The following DMD variants were observed in gnomAD, a reference collection of about 807,000 sequenced individuals.
DMD encodes the protein mutant dystrophin.
DMD carries 63 observed loss-of-function variants against 330.1 expected under a neutral mutation model. The ratio of observed to expected loss-of-function variants is 0.19; its 90% CI spans 0.16 to 0.24. The LOEUF (loss-of-function observed/expected upper bound fraction) is 0.24. Among genes scored for constraint, DMD ranks in the 10% least tolerant of loss-of-function variants. DMD has a pLI of 1.00. For missense variants in DMD, 3,344 were observed against 2,684.1 expected (o/e 1.25, Z -5.43); for synonymous variants, 1,223 against 959.8 (o/e 1.27, Z -5.07).
At chrX:32,056,056 T>C (rs4829243) in intron 44 of DMD, among the ~76,000 whole-genome samples, 42,555 of 110,267 alleles carry the variant, frequency 0.39, 6,720 homozygotes, top group East Asian at 0.61. Context: ...GATCAAGCAG[T>C]CTGCTTAGTG....
At chrX:32,972,409 A>G (rs1392154828) in intron 2 of DMD, among the ~76,000 whole-genome samples, 1 of 110,772 alleles carries the variant, frequency 9.0e-6, no homozygotes. Context: ...CAAACTCCTG[A>G]GCTCAAGTGA....
At chrX:31,440,711 G>T (rs1446411449) in intron 60 of DMD, among the ~76,000 whole-genome samples, 3 of 112,231 alleles carry the variant, frequency 2.7e-5, no homozygotes, top group Non-Finnish European at 5.6e-5. Flanking sequence ...TTTTCTAACT[G>T]CAAGGAGTGA....
intron 74 of DMD, among the ~76,000 whole-genome samples, chrX:31,160,334 T>C (rs57701317): frequency 0.12 from 13,437 of 111,004 alleles, 1,507 homozygotes; most frequent in African/African-American, 0.34. Flanking sequence ...CTTCTGGGTC[T>C]ACAGGGTAAC....
chrX:32,718,265 T>C (rs998408557), intron 7 of DMD, among the ~76,000 whole-genome samples: 3 of 111,119 alleles, frequency 2.7e-5, no homozygotes, highest in Non-Finnish European at 5.7e-5. Flanking sequence ...GACTGAATCA[T>C]AGGGGCAGAT....
intron 2 of DMD, among the ~76,000 whole-genome samples, chrX:32,895,144 C>G (rs2085586969): frequency 8.9e-6 from 1 of 112,077 alleles, no homozygotes; most frequent in African/African-American, 3.2e-5. Flanking sequence ...TTATCTTACC[C>G]TAATTAATTC....
intron 49 of DMD, among the ~76,000 whole-genome samples, chrX:31,832,437 T>C (rs2093070649): frequency 1.8e-5 from 2 of 111,468 alleles, no homozygotes; most frequent in African/African-American, 6.5e-5. Flanking sequence ...GCTGGGAAAA[T>C]GAATCATCCC....
intron 44 of DMD, among the ~76,000 whole-genome samples, chrX:32,114,154 GC>G (rs2096600398): frequency 9.0e-6 from 1 of 111,642 alleles, no homozygotes; most frequent in African/African-American, 3.3e-5. Flanking sequence ...TTTATCTTTA[GC>G]TTCAGCACTT....
intron 42 of DMD, among the ~76,000 whole-genome samples, chrX:32,296,687 C>T (rs2097498113): frequency 9.0e-6 from 1 of 111,309 alleles, no homozygotes; most frequent in African/African-American, 3.3e-5. Context: ...AATTTTACAT[C>T]AGAAGTTGTG....
intron 34 of DMD, among the ~76,000 whole-genome samples, chrX:32,378,415 A>G (rs2097912433): frequency 1.8e-5 from 2 of 109,707 alleles, no homozygotes; most frequent in South Asian, 7.4e-4. Context: ...TTTAATATAT[A>G]TTAAATATAA....
Position 31,575,482 on chromosome X carries a change from A to G in DMD, c.8217+52191T>C, listed in dbSNP as rs1369588609. ...GTGTAACTGCTGGGTTTGTCCTCAG[A>G]TATTAACTCTAAAGGTTATATTCAT... On this transcript the variant is annotated intron_variant, in intron 55 of 78. Transcript: ENST00000357033. Among the ~76,000 whole-genome samples the G allele has an allele frequency of 2.7e-5, 3 of 112,089 alleles. No individual in the cohort carries two copies. In the Admixed American group the frequency reaches 2.8e-4, roughly 11 times the overall value.
intron 44 of DMD, among the ~76,000 whole-genome samples, chrX:31,971,694 G>A (rs941501191): frequency 7.2e-5 from 8 of 110,860 alleles, no homozygotes; most frequent in African/African-American, 2.3e-4. Flanking sequence ...GATAACACTG[G>A]GTTTACAAAA....
chrX:31,500,520 C>T (rs1230542507), intron 56 of DMD, among the ~76,000 whole-genome samples: 1 of 112,285 alleles, frequency 8.9e-6, no homozygotes, highest in Non-Finnish European at 1.9e-5. Context: ...CCATGTTAAG[C>T]CCGTGAAATG....
At chrX:32,473,111 G>C (rs2040839851) in intron 21 of DMD, among the ~76,000 whole-genome samples, 1 of 111,235 alleles carries the variant, frequency 9.0e-6, no homozygotes, top group South Asian at 3.7e-4. Flanking sequence ...TATATTGAAA[G>C]AGATTAGACA....
chrX:32,558,066 C>A (rs2050525772), intron 16 of DMD, among the ~76,000 whole-genome samples: 1 of 110,129 alleles, frequency 9.1e-6, no homozygotes, highest in Non-Finnish European at 1.9e-5. Flanking sequence ...CATCATAAGT[C>A]ATTTGTTTCT....
intron 13 of DMD, among the ~76,000 whole-genome samples, chrX:32,578,022 G>T (rs984903767): frequency 1.8e-5 from 2 of 112,390 alleles, no homozygotes; most frequent in African/African-American, 6.5e-5. Context: ...ATGAAGCAAA[G>T]CAATTGGAAG....
At chrX:31,246,912 C>A (rs1385129850) in intron 63 of DMD, among the ~76,000 whole-genome samples, 2 of 106,249 alleles carry the variant, frequency 1.9e-5, no homozygotes, top group Non-Finnish European at 3.9e-5. Flanking sequence ...GGTGACAGAG[C>A]AAGACTCCGT....
chrX:32,092,757 T>A lies in DMD; in HGVS notation c.6438+124159A>T, dbSNP rs938881386. On this transcript the variant is annotated intron_variant, in intron 44 of 78. Transcript: ENST00000357033. Reference sequence around the variant, plus strand: ...TTTTTTTTTTTTTTTTTTTTTTTTTTATAGAAACACAGGACTGGCTTTGGA... The same window carrying A: ...TTTTTTTTTTTTTTTTTTTTTTTTTAATAGAAACACAGGACTGGCTTTGGA... Among the ~76,000 whole-genome samples the A allele has an allele frequency of 2.6e-4, 18 of 70,412 alleles. 1 individual carries two copies. Among genetic ancestry groups the A allele is most frequent in the Middle Eastern group, 0.017 (2 of 118 alleles). 61.1% of individuals were successfully genotyped at this position (70,412 alleles called of 115,157 possible). A position where few individuals can be genotyped will look rare whatever the true frequency, so the allele number is the denominator to read the frequency against.
intron 29 of DMD, among the ~76,000 whole-genome samples, chrX:32,437,607 C>A (rs527766087): frequency 8.9e-6 from 1 of 111,862 alleles, no homozygotes; most frequent in South Asian, 3.7e-4. Context: ...CTCATCAAAC[C>A]ATAGAACCAT....
At chrX:31,947,931 G>T in intron 45 of DMD, among the ~76,000 whole-genome samples, 1 of 110,257 alleles carries the variant, frequency 9.1e-6, no homozygotes, top group East Asian at 2.9e-4. Flanking sequence ...TAATTTAAGT[G>T]CACAGTACAG....
Sources: gnomAD v4.1 joint callset for allele counts (sites outside exome capture counted in the v4.1 genomes callset) on GRCh38, gnomAD v4.1.1 for gene constraint, MANE v1.5 for transcripts, NCBI Gene and HGNC (gene_info 2026-07-23, HGNC 2026-07-21) for gene names.